The following COL6A5 variants were observed in gnomAD, a reference collection of about 807,000 sequenced individuals.
COL6A5 encodes the protein collagen type VI alpha 5 chain, also known as collagen alpha-5(VI) chain.
COL6A5 carries 48 observed loss-of-function variants against 65.6 expected under a neutral mutation model. That is an observed-to-expected ratio of 0.73 (90% CI 0.58 to 0.93). The LOEUF (loss-of-function observed/expected upper bound fraction) is 0.93. Ranked by LOEUF, COL6A5 falls within the 40% of genes least tolerant of loss-of-function variation. COL6A5 has a pLI of 0.00. For synonymous variants in COL6A5, 291 were observed against 322.8 expected, an observed-to-expected ratio of 0.90 and a Z score of 1.05; for missense variants, 914 against 928.3, an observed-to-expected ratio of 0.98 and a Z score of 0.20.
chr3:130,406,194 AG>A lies in COL6A5; in HGVS notation c.4425+20del, dbSNP rs1936987570. The A allele has an allele frequency of 6.4e-7, 1 of 1,550,442 alleles. No individual in the cohort carries two copies. The highest frequency in any genetic ancestry group is 8.7e-7 in the Non-Finnish European group (1 of 1,145,840). ...GGAAGAGGTAAGCCATATTTCTTCAAGTATCATAAAACTGTCATGAGGTTGC... is the reference window on the plus strand; with the variant it reads ...GGAAGAGGTAAGCCATATTTCTTCAATATCATAAAACTGTCATGAGGTTGC... On this transcript the variant is annotated intron_variant and NMD_transcript_variant, in intron 16 of 41. Coordinates refer to the COL6A5 transcript ENST00000312481.
chr3:130,426,428 G>A (rs1341148648), intron 31 of COL6A5, 25 bp downstream of exon 31: 3 of 1,550,366 alleles, frequency 1.9e-6, no homozygotes, highest in South Asian at 1.2e-5. Flanking sequence ...CGGAACAAGA[G>A]CATCCATCAA....
chr3:130,421,040 C>G (rs12636289), intron 25 of COL6A5, 113 bp from the exon 26 acceptor site: 16 of 903,890 alleles, frequency 1.8e-5, no homozygotes, highest in Non-Finnish European at 2.6e-5. Context: ...CAATTAGGCC[C>G]CTTCTGCATG....
At chr3:130,352,191 A>C (rs1262025150) in intron 1 of COL6A5, among the ~76,000 whole-genome samples, 2 of 152,192 alleles carry the variant, frequency 1.3e-5, no homozygotes, top group East Asian at 3.9e-4. Context: ...TAGCATTAGG[A>C]GAAATACCTA....
chr3:130,446,138 C>T (rs1457630663), intron 4 of COL6A5, among the ~76,000 whole-genome samples: 1 of 152,102 alleles, frequency 6.6e-6, no homozygotes, highest in Non-Finnish European at 1.5e-5. Flanking sequence ...GTCCGAGGCA[C>T]AGAGGGGGGT....
chr3:130,477,623 A>T (rs772882028), intron 7 of COL6A5, among the ~76,000 whole-genome samples: 17 of 152,098 alleles, frequency 1.1e-4, no homozygotes, highest in Non-Finnish European at 2.5e-4. Flanking sequence ...CCACATCAGC[A>T]TCGTCTGGGA....
exon 6 of COL6A5, chr3:130,469,164 G>T (rs1456103505): frequency 3.7e-6 from 6 of 1,613,010 alleles, no homozygotes; most frequent in Non-Finnish European, 5.1e-6. Flanking sequence ...GTTTTTATTG[G>T]CCATGCCTTG....
chr3:130,430,873 C>T (rs1199896399), upstream of COL6A5, among the ~76,000 whole-genome samples: 10 of 152,132 alleles, frequency 6.6e-5, no homozygotes, highest in Non-Finnish European at 1.5e-5. Flanking sequence ...GGCAGTGCTG[C>T]ACTTGATTCA....
At chr3:130,393,057 T>C (rs1336085743) in intron 7 of COL6A5, among the ~76,000 whole-genome samples, 1 of 145,070 alleles carries the variant, frequency 6.9e-6, no homozygotes, top group South Asian at 2.3e-4. Context: ...GTCACTCTTC[T>C]GCTTACAGTG....
intron 4 of COL6A5, among the ~76,000 whole-genome samples, chr3:130,444,901 G>C (rs1292334954): frequency 6.6e-6 from 1 of 152,176 alleles, no homozygotes; most frequent in African/African-American, 2.4e-5. Context: ...CATTTCCCAT[G>C]AATGATCAGT....
chr3:130,422,677 G>A, intron 27 of COL6A5, 43 bp from the exon 28 acceptor site: 2 of 1,250,578 alleles, frequency 1.6e-6, no homozygotes, highest in Non-Finnish European at 2.3e-6. Context: ...TTCTTTCATA[G>A]CAAATACTTT....
intron 20 of COL6A5, among the ~76,000 whole-genome samples, chr3:130,410,876 A>G (rs1937153761): frequency 6.6e-6 from 1 of 152,142 alleles, no homozygotes; most frequent in South Asian, 2.1e-4. Context: ...GGTTGAAACG[A>G]CTGTAACATA....
At chr3:130,422,204 A>G (rs1039328973) in intron 27 of COL6A5, among the ~76,000 whole-genome samples, 38 of 152,096 alleles carry the variant, frequency 2.5e-4, no homozygotes, top group Admixed American at 2.5e-3. Context: ...ACCATTAGAA[A>G]GAAAGTCCTC....
chr3:130,483,702 G>A (rs1497322), intron 7 of COL6A5, among the ~76,000 whole-genome samples: 147,846 of 152,264 alleles, frequency 0.97, 71,834 homozygotes, highest in Non-Finnish European at 0.99. Flanking sequence ...GAAAGATTAG[G>A]GGGATTCTGG....
In COL6A5 at chr3:130,452,867, C is replaced by A. The variant is rs186207846; in HGVS notation, c.1333-2588C>A. 2.7e-3 allele frequency among the ~76,000 whole-genome samples: 406 copies of A among 152,232 alleles called. 3 individuals carry two copies. Among genetic ancestry groups the A allele is most frequent in the African/African-American group, 8.9e-3 (371 of 41,560 alleles). On this transcript the variant is annotated intron_variant, in intron 4 of 7. Coordinates refer to ENST00000512836, the Ensembl canonical transcript of COL6A5. ...AAGGGGGCCATTTTAGAGGCCCACC[C>A]TCAGGGGCACATTCTCTTTCTCAGG...
chr3:130,346,171 C>T (rs1934466003), intron 1 of COL6A5, among the ~76,000 whole-genome samples, 190 bp downstream of exon 1: 2 of 152,156 alleles, frequency 1.3e-5, no homozygotes, highest in South Asian at 2.1e-4. Flanking sequence ...TTCGAAAGGA[C>T]CTTAGAGCAG....
chr3:130,405,608 A>C, exon 14 of COL6A5: 2 of 1,550,844 alleles, frequency 1.3e-6, no homozygotes, highest in South Asian at 2.4e-5. Flanking sequence ...GAGACACAGG[A>C]CCCCAAGGAG....
At chr3:130,414,785 C>T (rs916804534) in intron 22 of COL6A5, among the ~76,000 whole-genome samples, 2 of 152,052 alleles carry the variant, frequency 1.3e-5, no homozygotes, top group African/African-American at 4.8e-5. Context: ...ATGGAAGGGC[C>T]TGTGTAGCTG....
exon 8 of COL6A5, chr3:130,395,219 C>T (rs1198872666): frequency 1.3e-6 from 2 of 1,551,584 alleles, no homozygotes; most frequent in East Asian, 4.9e-5. Context: ...TGCTGGTGTC[C>T]CCCAAACTTT....
chr3:130,421,839 C>G lies in COL6A5; in HGVS notation c.5037+479C>G, dbSNP rs139489244. ...AGCATAGCTAAATTATGCCACTTTC[C>G]TACTCAAACATCTTCAAGAATTCCT... On this transcript the variant is annotated intron_variant and NMD_transcript_variant, in intron 27 of 41. Transcript: ENST00000312481. Among the ~76,000 whole-genome samples, 18 of 152,130 alleles carry G rather than the reference C, an allele frequency of 1.2e-4. No homozygotes were observed. The East Asian group carries it at 3.1e-3, about 26-fold the overall frequency.
Sources: allele counts gnomAD v4.1 joint callset (sites outside exome capture counted in the v4.1 genomes callset), GRCh38; gene constraint gnomAD v4.1.1; transcripts MANE v1.5; gene names NCBI Gene and HGNC (gene_info 2026-07-23, HGNC 2026-07-21).